The following SNTB1 variants were observed in gnomAD, a reference collection of about 807,000 sequenced individuals.
The protein encoded by SNTB1 is beta-1-syntrophin.
A neutral mutation model predicts 48.9 loss-of-function variants in SNTB1; 36 were observed. The observed-to-expected ratio is 0.74, with a 90% confidence interval of 0.56 to 0.97. The LOEUF (loss-of-function observed/expected upper bound fraction) is 0.97. Among genes scored for constraint, SNTB1 ranks in the 50% least tolerant of loss-of-function variants. SNTB1 has a pLI of 0.00. For missense variants in SNTB1, 786 were observed against 703.4 expected, an observed-to-expected ratio of 1.12 and a Z score of -1.33; for synonymous variants, 299 against 294.6, an observed-to-expected ratio of 1.01 and a Z score of -0.15.
At chr8:120,551,101 C>G (rs1815471865) in intron 4 of SNTB1, among the ~76,000 whole-genome samples, 1 of 151,882 alleles carries the variant, frequency 6.6e-6, no homozygotes, top group Non-Finnish European at 1.5e-5. Flanking sequence ...ACTAAAAATA[C>G]AAAAATTATC....
intron 1 of SNTB1, among the ~76,000 whole-genome samples, chr8:120,756,312 G>C (rs1819316914): frequency 6.6e-6 from 1 of 152,142 alleles, no homozygotes; most frequent in Admixed American, 6.6e-5. Flanking sequence ...CTGTATCAAT[G>C]CCTAAAATAG....
At chr8:120,540,698 C>T (rs1815271608) in intron 6 of SNTB1, among the ~76,000 whole-genome samples, 1 of 152,138 alleles carries the variant, frequency 6.6e-6, no homozygotes, top group Admixed American at 6.5e-5. Flanking sequence ...TTCTGTAGAT[C>T]CATTTTGAAA....
At chr8:120,542,730 G>A (rs74696636) in intron 5 of SNTB1, among the ~76,000 whole-genome samples, 14 of 146,280 alleles carry the variant, frequency 9.6e-5, no homozygotes, top group Middle Eastern at 3.6e-3. Flanking sequence ...ACACACACAC[G>A]CACACACACA....
intron 2 of SNTB1, among the ~76,000 whole-genome samples, chr8:120,672,765 A>C (rs1294138305): frequency 1.3e-5 from 2 of 152,238 alleles, no homozygotes; most frequent in East Asian, 3.8e-4. Flanking sequence ...ATAGGGAAGA[A>C]TCAGATGCCT....
chr8:120,795,005 A>G (rs1820098738), intron 1 of SNTB1, among the ~76,000 whole-genome samples: 1 of 152,092 alleles, frequency 6.6e-6, no homozygotes, highest in African/African-American at 2.4e-5. Context: ...AGTCACATAA[A>G]TAAAATTGCC....
At chr8:120,568,547 T>C (rs900047764) in intron 4 of SNTB1, among the ~76,000 whole-genome samples, 2 of 152,220 alleles carry the variant, frequency 1.3e-5, no homozygotes, top group Non-Finnish European at 1.5e-5. Flanking sequence ...AGTGAGTGTT[T>C]CACAGATAGG....
At chr8:120,732,648 C>A (rs990912855) in intron 1 of SNTB1, among the ~76,000 whole-genome samples, 7 of 152,146 alleles carry the variant, frequency 4.6e-5, no homozygotes, top group African/African-American at 1.7e-4. Flanking sequence ...AGTTTAAGAC[C>A]AGCCTGGCCA....
At chr8:120,772,351 T>C (rs1819652188) in intron 1 of SNTB1, among the ~76,000 whole-genome samples, 1 of 151,646 alleles carries the variant, frequency 6.6e-6, no homozygotes, top group African/African-American at 2.4e-5. Flanking sequence ...GTTCAAAGCA[T>C]TCTCTTGCCT....
At chr8:120,577,602 C>T (rs989466286) in intron 3 of SNTB1, among the ~76,000 whole-genome samples, 2 of 152,160 alleles carry the variant, frequency 1.3e-5, no homozygotes, top group Non-Finnish European at 2.9e-5. Flanking sequence ...AATGATCCTC[C>T]CAAAGTGACT....
At chr8:120,560,986 A>C (rs1815645258) in intron 4 of SNTB1, among the ~76,000 whole-genome samples, 1 of 152,072 alleles carries the variant, frequency 6.6e-6, no homozygotes, top group Admixed American at 6.6e-5. Flanking sequence ...CTATCACACA[A>C]AAAAAGGGCC....
chr8:120,762,311 A>G (rs899460340), intron 1 of SNTB1, among the ~76,000 whole-genome samples: 1 of 152,224 alleles, frequency 6.6e-6, no homozygotes, highest in African/African-American at 2.4e-5. Context: ...AACCAACTGC[A>G]GGTCCAGCAA....
chr8:120,543,625 G>A (rs1586986040), intron 5 of SNTB1, among the ~76,000 whole-genome samples: 1 of 152,268 alleles, frequency 6.6e-6, no homozygotes, highest in South Asian at 2.1e-4. Flanking sequence ...AGAGAGCTGG[G>A]CACAGAGTCG....
chr8:120,586,893 T>C (rs931613513), intron 3 of SNTB1, among the ~76,000 whole-genome samples: 10 of 152,158 alleles, frequency 6.6e-5, no homozygotes, highest in Admixed American at 3.9e-4. Context: ...GGAGGTTCAT[T>C]ATTGTTTTTT....
chr8:120,771,241 G>C (rs577062827), intron 1 of SNTB1, among the ~76,000 whole-genome samples: 12 of 152,304 alleles, frequency 7.9e-5, no homozygotes, highest in Admixed American at 2.0e-4. Flanking sequence ...ACAATAATTA[G>C]AATCTCTGAA....
At chr8:120,646,215 G>T (rs1002168515) in intron 2 of SNTB1, among the ~76,000 whole-genome samples, 1 of 133,812 alleles carries the variant, frequency 7.5e-6, no homozygotes, top group African/African-American at 2.7e-5. Context: ...AATAGGAGTG[G>T]TGAGAGAGGG....
chr8:120,630,326 G>A (rs1175626693), intron 3 of SNTB1, among the ~76,000 whole-genome samples: 1 of 152,200 alleles, frequency 6.6e-6, no homozygotes, highest in Admixed American at 6.5e-5. Flanking sequence ...AGCTGGTAGT[G>A]GGTGGCACTT....
chr8:120,800,524 G>T lies in SNTB1; in HGVS notation c.571+10749C>A, dbSNP rs113519338. 6.7e-4 allele frequency among the ~76,000 whole-genome samples: 102 copies of T among 152,134 alleles called. 1 individual carries two copies. Among genetic ancestry groups the T allele is most frequent in the Middle Eastern group, 3.4e-3 (1 of 294 alleles). ...AAGTAACAATGGATCCAGGAAAACA[G>T]ACCCAGGAGAAAGTCAAGGACAGCC... On this transcript the variant is annotated intron_variant, in intron 1 of 6. Transcript: ENST00000517992.
In SNTB1 at chr8:120,537,529, G is replaced by C. The variant is rs1187373927; in HGVS notation, c.*1348C>G. The C allele has an allele frequency of 6.6e-6, 1 of 152,068 alleles. No homozygotes were observed. The highest frequency in any genetic ancestry group is 2.4e-5 in the African/African-American group (1 of 41,408). 9.4% of individuals were successfully genotyped at this position (152,068 alleles called of 1,614,324 possible). A position where few individuals can be genotyped will look rare whatever the true frequency, so the allele number is the denominator to read the frequency against. Reference sequence around the variant, plus strand: ...TTCACTTTTTGAAGCTCTTTGCATGGGTATTTGTTAACATATGATTCTTTA... The same window carrying C: ...TTCACTTTTTGAAGCTCTTTGCATGCGTATTTGTTAACATATGATTCTTTA... On this transcript the variant is annotated 3_prime_UTR_variant, in exon 7 of 7. Transcript: ENST00000517992.
chr8:120,780,186 A>T (rs1322961105), intron 1 of SNTB1, among the ~76,000 whole-genome samples: 1 of 152,160 alleles, frequency 6.6e-6, no homozygotes, highest in Non-Finnish European at 1.5e-5. Flanking sequence ...GAGGGCTGGT[A>T]TGCAGCAGAA....
Sources: gnomAD v4.1 joint callset for allele counts (sites outside exome capture counted in the v4.1 genomes callset) on GRCh38, gnomAD v4.1.1 for gene constraint, MANE v1.5 for transcripts, NCBI Gene and HGNC (gene_info 2026-07-23, HGNC 2026-07-21) for gene names.